The following CNTNAP2 variants were observed in gnomAD, a reference collection of about 807,000 sequenced individuals.
CNTNAP2 encodes the protein contactin-associated protein-like 2.
In CNTNAP2, 98 loss-of-function variants were observed where a neutral mutation model predicts 155.2. That is an observed-to-expected ratio of 0.63 (90% CI 0.54 to 0.75). The LOEUF (loss-of-function observed/expected upper bound fraction) is 0.75. CNTNAP2 is among the 30% of genes least tolerant of loss of function. CNTNAP2 has a pLI of 0.00. For missense variants in CNTNAP2, 1,727 were observed against 1,688.1 expected (o/e 1.02, Z -0.40); for synonymous variants, 651 against 631.2 (o/e 1.03, Z -0.47).
chr7:146,651,090 A>G (rs944390266), intron 1 of CNTNAP2, among the ~76,000 whole-genome samples: 2 of 152,064 alleles, frequency 1.3e-5, no homozygotes, highest in East Asian at 1.9e-4. Context: ...CATAACTGAG[A>G]TCACAGGAAA....
intron 8 of CNTNAP2, among the ~76,000 whole-genome samples, chr7:147,283,974 A>G (rs1805114404): frequency 6.6e-6 from 1 of 151,308 alleles, no homozygotes; most frequent in South Asian, 2.1e-4. Context: ...TATTCAAGTG[A>G]CGAGTCCTAC....
intron 13 of CNTNAP2, among the ~76,000 whole-genome samples, chr7:147,721,788 G>A (rs757396366): frequency 6.6e-5 from 10 of 152,088 alleles, no homozygotes; most frequent in Non-Finnish European, 1.5e-4. Flanking sequence ...TAAATTGGCT[G>A]CATTTTGACA....
At chr7:146,473,268 C>T (rs927984085) in intron 1 of CNTNAP2, among the ~76,000 whole-genome samples, 1 of 152,044 alleles carries the variant, frequency 6.6e-6, no homozygotes, top group Non-Finnish European at 1.5e-5. Flanking sequence ...GGAAAGAGGT[C>T]ACTGGGTAAT....
At chr7:147,511,432 A>C (rs1249026492) in intron 11 of CNTNAP2, among the ~76,000 whole-genome samples, 1 of 149,088 alleles carries the variant, frequency 6.7e-6, no homozygotes, top group African/African-American at 2.5e-5. Flanking sequence ...TTTTTTAATG[A>C]AAAAGCTAAT....
At chr7:147,137,156 T>G (rs1044457873) in intron 8 of CNTNAP2, among the ~76,000 whole-genome samples, 2 of 151,490 alleles carry the variant, frequency 1.3e-5, no homozygotes, top group African/African-American at 4.8e-5. Flanking sequence ...GAAAACAAAC[T>G]ACTGAAAATG....
intron 3 of CNTNAP2, chr7:146,963,239 T>C (rs1393682801): frequency 1.3e-5 from 2 of 152,368 alleles, no homozygotes; most frequent in East Asian, 3.9e-4. Context: ...AATATATCTA[T>C]TTCTAATTTT....
chr7:147,415,360 T>C (rs13223092), intron 10 of CNTNAP2, among the ~76,000 whole-genome samples: 2 of 152,128 alleles, frequency 1.3e-5, no homozygotes, highest in African/African-American at 4.8e-5. Context: ...TCATCTTGAA[T>C]TGTCATCCCC....
intron 14 of CNTNAP2, among the ~76,000 whole-genome samples, chr7:147,921,682 T>C (rs953411923): frequency 2.0e-5 from 3 of 152,174 alleles, no homozygotes; most frequent in African/African-American, 7.2e-5. Flanking sequence ...AGTTTCTTCA[T>C]CTTTAAAATG....
intron 22 of CNTNAP2, among the ~76,000 whole-genome samples, chr7:148,385,718 A>ATGCTT (rs1799175917): frequency 2.0e-5 from 3 of 146,834 alleles, no homozygotes; most frequent in African/African-American, 7.6e-5. Flanking sequence ...TAAAAAAATC[A>ATGCTT]TGCTTTGAGT....
intron 21 of CNTNAP2, among the ~76,000 whole-genome samples, chr7:148,292,178 AT>A (rs1406781566): frequency 6.6e-6 from 1 of 152,194 alleles, no homozygotes; most frequent in East Asian, 1.9e-4. Context: ...TCCAAATTCT[AT>A]GTATAAGAGA....
At chr7:148,036,243 G>T (rs1802571026) in intron 15 of CNTNAP2, among the ~76,000 whole-genome samples, 1 of 152,240 alleles carries the variant, frequency 6.6e-6, no homozygotes. Context: ...AATATATTTT[G>T]CATGTGAGAA....
chr7:146,778,428 C>A (rs186319831), intron 2 of CNTNAP2, among the ~76,000 whole-genome samples: 1 of 152,102 alleles, frequency 6.6e-6, no homozygotes, highest in Non-Finnish European at 1.5e-5. Context: ...AAAATCCATG[C>A]GTAATTCTGA....
rs16883717 is a variant in CNTNAP2, at chr7:147,862,071, G to A, written c.2099-41494G>A. On this transcript the variant is annotated intron_variant, in intron 13 of 23. Coordinates refer to ENST00000361727, the MANE Select transcript of CNTNAP2 (RefSeq NM_014141.6). ...TAGTTAGCCAATATGGTATTTTGTGGTAATGCAGCTATAATCTAATCACCG... is the reference window on the plus strand; with the variant it reads ...TAGTTAGCCAATATGGTATTTTGTGATAATGCAGCTATAATCTAATCACCG... Among the ~76,000 whole-genome samples the A allele has an allele frequency of 8.1e-3, 1,219 of 150,848 alleles. 18 individuals carry two copies. Among genetic ancestry groups the A allele is most frequent in the African/African-American group, 0.028 (1,149 of 41,066 alleles).
intron 1 of CNTNAP2, among the ~76,000 whole-genome samples, chr7:146,457,488 A>G (rs1486127821): frequency 2.2e-3 from 1 of 454 alleles, no homozygotes; most frequent in African/African-American, 4.2e-3. Context: ...ATGAATATAT[A>G]TATATATATA....
chr7:146,179,414 G>T, intron 1 of CNTNAP2, among the ~76,000 whole-genome samples: 1 of 151,950 alleles, frequency 6.6e-6, no homozygotes, highest in East Asian at 1.9e-4. Context: ...AACCTAGAAA[G>T]TCAGAAAAAA....
intron 12 of CNTNAP2, among the ~76,000 whole-genome samples, chr7:147,578,117 G>A (rs1032292270): frequency 4.6e-5 from 7 of 151,888 alleles, no homozygotes; most frequent in East Asian, 1.9e-4. Context: ...TAGATGCTGC[G>A]GTTTTATCAT....
At chr7:147,070,026 T>TA (rs1489625945) in intron 4 of CNTNAP2, among the ~76,000 whole-genome samples, 2 of 152,214 alleles carry the variant, frequency 1.3e-5, no homozygotes, top group African/African-American at 4.8e-5. Flanking sequence ...TGGCTATAAA[T>TA]AAGACCTGTG....
chr7:147,011,612 T>C (rs1798626366), intron 3 of CNTNAP2, among the ~76,000 whole-genome samples: 1 of 149,170 alleles, frequency 6.7e-6, no homozygotes, highest in South Asian at 2.2e-4. Flanking sequence ...GGAAGCAAAG[T>C]TTATCTCTGG....
Position 146,434,935 on chromosome 7 carries a change from A to G in CNTNAP2, c.97+317962A>G, listed in dbSNP as rs180747657. Among the ~76,000 whole-genome samples the G allele has an allele frequency of 5.4e-4, 82 of 152,322 alleles. 2 individuals are homozygous for G. The highest frequency in any genetic ancestry group is 7.3e-5 in the Non-Finnish European group (5 of 68,028). ...GCTCTGCAGGGCTTTGTGATACACA[A>G]ATCAAAAGTGTGCAATTCACAGAAA... On this transcript the variant is annotated intron_variant, in intron 1 of 23. Coordinates refer to ENST00000361727, the MANE Select transcript of CNTNAP2 (RefSeq NM_014141.6).
Sources: gnomAD v4.1 joint callset for allele counts (sites outside exome capture counted in the v4.1 genomes callset) on GRCh38, gnomAD v4.1.1 for gene constraint, MANE v1.5 for transcripts, NCBI Gene and HGNC (gene_info 2026-07-23, HGNC 2026-07-21) for gene names.